ZNF678: variants seen among roughly 807,000 people sequenced by gnomAD.
ZNF678 encodes the protein zinc finger protein 678.
ZNF678 carries 5 observed loss-of-function variants against 3.0 expected under a neutral mutation model. The ratio of observed to expected loss-of-function variants is 1.69; its 90% CI spans 0.88 to 3.56. The LOEUF (loss-of-function observed/expected upper bound fraction) is 3.56. Ranked by LOEUF, ZNF678 falls within the 30% of genes most tolerant of loss-of-function variation. ZNF678 has a pLI of 0.00. For missense variants in ZNF678, 593 were observed against 605.0 expected, an observed-to-expected ratio of 0.98 and a Z score of 0.21; for synonymous variants, 218 against 199.6, an observed-to-expected ratio of 1.09 and a Z score of -0.78.
In ZNF678 at chr1:227,633,674, A is replaced by G. The variant is rs189057521; in HGVS notation, c.-163-12870A>G. On this transcript the variant is annotated intron_variant, in intron 1 of 3. Transcript: ENST00000343776. ...ACCCACCCAGGGAGTGAGCATTTAA[A>G]CAAGCCCTAGCCAGAAGGGAATTTC... 1.4e-4 allele frequency among the ~76,000 whole-genome samples: 22 copies of G among 152,312 alleles called. 1 individual carries two copies. The highest frequency in any genetic ancestry group is 5.3e-4 in the African/African-American group (22 of 41,572).
At chr1:227,614,381 T>C (rs955681614) in intron 1 of ZNF678, among the ~76,000 whole-genome samples, 7 of 152,228 alleles carry the variant, frequency 4.6e-5, no homozygotes, top group African/African-American at 1.7e-4. Flanking sequence ...TCGTATTAAA[T>C]GAAAACGGAC....
rs758324180 is a variant in ZNF678 at position 227,646,663 on chromosome 1, C to A, written c.-44C>A. On this transcript the variant is annotated 5_prime_UTR_variant, in exon 2 of 4. Coordinates refer to ENST00000343776, the MANE Select transcript of ZNF678 (RefSeq NM_001367909.1). ...TGTTCGAGAACTACAGAAACCTGGTCTCCCTGGGTGAGGATAACTTCAATA... is the reference window on the plus strand; with the variant it reads ...TGTTCGAGAACTACAGAAACCTGGTATCCCTGGGTGAGGATAACTTCAATA... The A allele has an allele frequency of 2.2e-6, 3 of 1,372,164 alleles. No homozygotes were observed. In the Admixed American group the frequency reaches 5.7e-5, roughly 26 times the overall value. The allele number at this position is 1,372,164 out of a possible 1,614,324, so 85.0% of individuals were successfully genotyped here.
intron 1 of ZNF678, among the ~76,000 whole-genome samples, chr1:227,595,289 C>CTT (rs989666248): frequency 2.0e-5 from 3 of 151,802 alleles, no homozygotes; most frequent in African/African-American, 7.3e-5. Flanking sequence ...CTCTCTCTCT[C>CTT]AGCCTGGCTT....
At chr1:227,593,170 G>A (rs1247905568) in intron 1 of ZNF678, among the ~76,000 whole-genome samples, 7 of 152,328 alleles carry the variant, frequency 4.6e-5, no homozygotes, top group East Asian at 1.9e-4. Flanking sequence ...TGCAGCCTAC[G>A]CCTGGTCTAC....
intron 1 of ZNF678, among the ~76,000 whole-genome samples, chr1:227,589,305 T>A (rs1657346638): frequency 6.6e-6 from 1 of 151,836 alleles, no homozygotes; most frequent in Non-Finnish European, 1.5e-5. Context: ...TTAATCCATC[T>A]TGAGTTAATT....
intron 1 of ZNF678, among the ~76,000 whole-genome samples, chr1:227,619,021 C>T (rs948016343): frequency 6.6e-6 from 1 of 152,138 alleles, no homozygotes; most frequent in Non-Finnish European, 1.5e-5. Context: ...ACCTGCCAAA[C>T]ACTTTAAAAC....
intron 1 of ZNF678, among the ~76,000 whole-genome samples, chr1:227,593,791 C>T (rs1244291637): frequency 6.6e-6 from 1 of 151,724 alleles, no homozygotes; most frequent in Non-Finnish European, 1.5e-5. Flanking sequence ...GGGTTTTCCC[C>T]TGGGACCATG....
chr1:227,612,865 G>A (rs553609297), intron 1 of ZNF678, among the ~76,000 whole-genome samples: 3 of 152,252 alleles, frequency 2.0e-5, no homozygotes, highest in East Asian at 3.9e-4. Flanking sequence ...AACCTACACT[G>A]CACTGCCTCC....
At chr1:227,588,757 G>A (rs981252506) in intron 1 of ZNF678, among the ~76,000 whole-genome samples, 3 of 151,834 alleles carry the variant, frequency 2.0e-5, no homozygotes, top group African/African-American at 7.3e-5. Context: ...CACCTGCCTC[G>A]GCCTCCCAAA....
At chr1:227,675,496 G>T (rs1431753519) in intron 5 of ZNF678, among the ~76,000 whole-genome samples, 2 of 152,132 alleles carry the variant, frequency 1.3e-5, no homozygotes, top group Non-Finnish European at 2.9e-5. Flanking sequence ...TGCCCAAAAT[G>T]AACTATTTCT....
intron 1 of ZNF678, among the ~76,000 whole-genome samples, chr1:227,645,108 G>A (rs1658922103): frequency 6.6e-6 from 1 of 152,186 alleles, no homozygotes; most frequent in Non-Finnish European, 1.5e-5. Flanking sequence ...TGACCTTTAC[G>A]TAGGAGCTCA....
intron 1 of ZNF678, among the ~76,000 whole-genome samples, chr1:227,602,394 A>T (rs538616983): frequency 3.7e-4 from 56 of 152,218 alleles, no homozygotes; most frequent in Admixed American, 6.5e-4. Context: ...TACTTTTCAG[A>T]AGCACAAATA....
intron 1 of ZNF678, among the ~76,000 whole-genome samples, chr1:227,602,406 C>T (rs1204796279): frequency 1.3e-5 from 2 of 152,138 alleles, no homozygotes; most frequent in African/African-American, 2.4e-5. Context: ...GCACAAATAT[C>T]CACATTGTAC....
chr1:227,578,626 T>C (rs1044417273), intron 1 of ZNF678, among the ~76,000 whole-genome samples: 1 of 152,252 alleles, frequency 6.6e-6, no homozygotes, highest in Admixed American at 6.5e-5. Context: ...CTATTTTGTC[T>C]GACAGCTCTT....
chr1:227,644,064 C>A (rs138350345), intron 1 of ZNF678, among the ~76,000 whole-genome samples: 2,695 of 151,766 alleles, frequency 0.018, 77 homozygotes, highest in African/African-American at 0.062. Context: ...GGGGTTTCGC[C>A]ATGTTGGCCA....
downstream of ZNF678, among the ~76,000 whole-genome samples, chr1:227,664,547 A>G (rs766983398): frequency 1.0e-3 from 154 of 152,274 alleles, no homozygotes; most frequent in Non-Finnish European, 1.9e-3. Context: ...GGCCAGAGGC[A>G]TCAGTGGTGA....
intron 1 of ZNF678, among the ~76,000 whole-genome samples, chr1:227,578,628 A>G (rs979217704): frequency 5.9e-5 from 9 of 152,160 alleles, no homozygotes; most frequent in African/African-American, 1.9e-4. Flanking sequence ...ATTTTGTCTG[A>G]CAGCTCTTGC....
At position 227,656,007 on chromosome 1, in the gene ZNF678, C is replaced by T. The variant is rs1659239500; in HGVS notation, c.*179C>T. On this transcript the variant is annotated 3_prime_UTR_variant, in exon 4 of 4. Transcript: ENST00000343776. The stretch of plus-strand genomic sequence containing the variant: ...TTTATTTCAAAGATCTTCCTGTAAA[C>T]AGAATCTGTACTAGAGGAAAAACCC... 2.0e-6 allele frequency: 1 copy of T among 497,772 alleles called. No individual in the cohort carries two copies. The highest frequency in any genetic ancestry group is 3.3e-6 in the Non-Finnish European group (1 of 303,666). The allele number at this position is 497,772 out of a possible 1,614,324, so 30.8% of individuals were successfully genotyped here. A position where few individuals can be genotyped will look rare whatever the true frequency, so the allele number is the denominator to read the frequency against.
In ZNF678 at chr1:227,654,860, A is replaced by G. The variant is rs116552491; in HGVS notation, c.610A>G (p.Ser204Gly). The G allele has an allele frequency of 8.7e-4, 1,399 of 1,608,958 alleles. 10 individuals carry two copies. The African/African-American group carries it at 0.016, about 18-fold the overall frequency. The change falls in exon 4 of 4, where the codon AGT becomes GGT. Residue 204 changes from serine (S) to glycine (G), a missense_variant. Coordinates refer to ENST00000343776, the MANE Select transcript of ZNF678 (RefSeq NM_001367909.1). ...SQLTSHKKIH[S>G]GEKPYPCEEC... ...ACTAACTAGCCATAAGAAAATTCATAGTGGAGAGAAACCATACCCATGTGA... is the reference window on the plus strand; with the variant it reads ...ACTAACTAGCCATAAGAAAATTCATGGTGGAGAGAAACCATACCCATGTGA...
Sources: gnomAD v4.1 joint callset for allele counts (sites outside exome capture counted in the v4.1 genomes callset) on GRCh38, gnomAD v4.1.1 for gene constraint, MANE v1.5 for transcripts, NCBI Gene and HGNC (gene_info 2026-07-23, HGNC 2026-07-21) for gene names.